The following GDI2 variants were observed in gnomAD, a reference collection of about 807,000 sequenced individuals.
GDI2 encodes the protein GDP dissociation inhibitor 2.
GDI2 carries 22 observed loss-of-function variants against 54.2 expected under a neutral mutation model. The observed-to-expected ratio is 0.41, with a 90% CI of 0.29 to 0.58. The LOEUF (loss-of-function observed/expected upper bound fraction) is 0.58. GDI2 is among the 20% of genes least tolerant of loss of function. The probability of loss-of-function intolerance (pLI) is 0.35; values close to 1 mark genes in which losing one functional copy is unlikely to be tolerated. For synonymous variants in GDI2, 177 were observed against 182.1 expected (o/e 0.97, Z 0.23); for missense variants, 422 against 546.0 (o/e 0.77, Z 2.26).
At chr10:5,772,447 A>G (rs1840511279) in intron 7 of GDI2, among the ~76,000 whole-genome samples, 1 of 152,188 alleles carries the variant, frequency 6.6e-6, no homozygotes, top group Non-Finnish European at 1.5e-5. Flanking sequence ...TATATGTTCA[A>G]AAGACCCAAT....
intron 1 of GDI2, among the ~76,000 whole-genome samples, chr10:5,811,342 CAA>C (rs1331185073): frequency 4.6e-5 from 7 of 152,124 alleles, no homozygotes; most frequent in East Asian, 1.9e-4. Flanking sequence ...TACCATTCAT[CAA>C]AGAGTTCACA....
chr10:5,766,063 T>A lies in GDI2; in HGVS notation c.1281A>T (p.Ser427=). The change falls in exon 11 of 11, where the codon TCA becomes TCT. Residue 427 remains serine (S), a synonymous_variant. Coordinates refer to ENST00000380191, the MANE Select transcript of GDI2 (RefSeq NM_001494.4). This position sits in a 1 kb window ranked among gnomAD's most constrained non-coding sequence, Gnocchi z 5.8. ...IKNIYKRMTG[S]EFDFEEMKRK... is the part of the protein sequence containing the mutation. ...GCTTCATTTCCTCAAAGTCAAACTC[T>A]GATCCTGTCATCCTCTTATAGATGT... is the stretch of plus-strand genomic sequence containing the variant. The A allele has an allele frequency of 1.3e-6, 2 of 1,599,612 alleles. No homozygotes were observed. Among genetic ancestry groups the A allele is most frequent in the Non-Finnish European group, 1.7e-6 (2 of 1,176,340 alleles).
chr10:5,805,849 T>A (rs1399266922), intron 1 of GDI2, among the ~76,000 whole-genome samples: 1 of 152,220 alleles, frequency 6.6e-6, no homozygotes, highest in Non-Finnish European at 1.5e-5. Flanking sequence ...GCATTTCTGG[T>A]AAATTCTCAG....
At chr10:5,788,921 C>G (rs1840941903) in intron 4 of GDI2, among the ~76,000 whole-genome samples, 1 of 152,074 alleles carries the variant, frequency 6.6e-6, no homozygotes, top group African/African-American at 2.4e-5. Flanking sequence ...CACCATCAGA[C>G]CTGGCTAATT....
intron 6 of GDI2, among the ~76,000 whole-genome samples, chr10:5,782,939 A>G (rs1333408640): frequency 6.6e-6 from 1 of 152,242 alleles, no homozygotes; most frequent in Non-Finnish European, 1.5e-5. Context: ...ATCTCCAAAA[A>G]AAAGAATTAC....
At position 5,776,789 on chromosome 10, in the gene GDI2, C is replaced by G; in HGVS notation, c.720-2848G>C. ...GGACATTCCAATCCCCAATCTTCCT[C>G]CCTTGGATTTTCCATCTCCAGAACT... On this transcript the variant is annotated intron_variant, in intron 6 of 10. Coordinates refer to ENST00000380191, the MANE Select transcript of GDI2 (RefSeq NM_001494.4). This position sits in a 1 kb window ranked among gnomAD's most constrained non-coding sequence, Gnocchi z 5.3. 6.5e-7 allele frequency: 1 copy of G among 1,529,022 alleles called. No individual in the cohort carries two copies. The highest frequency in any genetic ancestry group is 9.0e-7 in the Non-Finnish European group (1 of 1,111,294). 94.7% of individuals were successfully genotyped at this position (1,529,022 alleles called of 1,614,324 possible).
rs1181149617 is a variant in GDI2 at position 5,774,661 on chromosome 10, A to T, written c.720-720T>A. ...CCACACTGAGCAGACCTGAGACACT[A>T]ATGGCCCTCCTGGACAGGAGGCTCG... On this transcript the variant is annotated intron_variant, in intron 6 of 10. Coordinates refer to ENST00000380191, the MANE Select transcript of GDI2 (RefSeq NM_001494.4). This position sits in a 1 kb window ranked among gnomAD's most constrained non-coding sequence, Gnocchi z 4.8. Among the ~76,000 whole-genome samples, 1 of 152,052 alleles carries T rather than the reference A, an allele frequency of 6.6e-6. No homozygotes were observed. Among genetic ancestry groups the T allele is most frequent in the Non-Finnish European group, 1.5e-5 (1 of 68,010 alleles).
chr10:5,765,917 A>G lies in GDI2; in HGVS notation c.*89T>C. 1.1e-6 allele frequency: 1 copy of G among 915,216 alleles called. No individual in the cohort carries two copies. Among genetic ancestry groups the G allele is most frequent in the Non-Finnish European group, 1.7e-6 (1 of 601,970 alleles). The allele number at this position is 915,216 out of a possible 1,614,324, so 56.7% of individuals were successfully genotyped here. A position where few individuals can be genotyped will look rare whatever the true frequency, so the allele number is the denominator to read the frequency against. On this transcript the variant is annotated 3_prime_UTR_variant, in exon 11 of 11. Transcript: ENST00000380191. ...TCTTCATTCTCTCCATTTTCATTAC[A>G]AAAGCAGGCCTTACAATATTGATTT...
rs1224313165 is a variant in GDI2, at chr10:5,796,874, G to C, written c.154-12C>G. 8.0e-7 allele frequency: 1 copy of C among 1,242,908 alleles called. No individual in the cohort carries two copies. The highest frequency in any genetic ancestry group is 1.7e-5 in the Admixed American group (1 of 58,086). 77.0% of individuals were successfully genotyped at this position (1,242,908 alleles called of 1,614,324 possible). On this transcript the variant is annotated splice_polypyrimidine_tract_variant and intron_variant, in intron 2 of 10. Transcript: ENST00000380191. Reference sequence around the variant, plus strand: ...AATCTTTTGTATAACTAAAAGCAAGGAAAAACATAGCCATAATGTTAACAA... The same window carrying C: ...AATCTTTTGTATAACTAAAAGCAAGCAAAAACATAGCCATAATGTTAACAA...
intron 3 of GDI2, among the ~76,000 whole-genome samples, 173 bp from the exon 4 acceptor site, chr10:5,795,192 A>G (rs971922948): frequency 5.3e-5 from 8 of 152,204 alleles, no homozygotes; most frequent in Non-Finnish European, 1.2e-4. Context: ...GCAGTGGCAC[A>G]ATCACGAGCT....
At chr10:5,805,146 T>C (rs1212224543) in intron 1 of GDI2, among the ~76,000 whole-genome samples, 1 of 152,026 alleles carries the variant, frequency 6.6e-6, no homozygotes, top group African/African-American at 2.4e-5. Context: ...TCGGGAGCTT[T>C]TCAGAGTGTA....
At chr10:5,787,959 T>C (rs367648942) in intron 4 of GDI2, among the ~76,000 whole-genome samples, 3 of 152,214 alleles carry the variant, frequency 2.0e-5, no homozygotes, top group Admixed American at 6.5e-5. Context: ...CAGAGAGGGA[T>C]AGAAATCAGT....
Position 5,776,858 on chromosome 10 carries a change from AT to A in GDI2, c.720-2918del. 1 of 1,208,020 alleles carries A rather than the reference AT, an allele frequency of 8.3e-7. No homozygotes were observed. The highest frequency in any genetic ancestry group is 1.5e-5 in the African/African-American group (1 of 65,234). The allele number at this position is 1,208,020 out of a possible 1,614,324, so 74.8% of individuals were successfully genotyped here. A position where few individuals can be genotyped will look rare whatever the true frequency, so the allele number is the denominator to read the frequency against. Reference sequence around the variant, plus strand: ...GATATTCTGAAAGGATTTATGAATAATTAAAATGGAAGGCCAGAGAAGAGGG... The same window carrying A: ...GATATTCTGAAAGGATTTATGAATAATAAAATGGAAGGCCAGAGAAGAGGG... On this transcript the variant is annotated intron_variant, in intron 6 of 10. Coordinates refer to ENST00000380191, the MANE Select transcript of GDI2 (RefSeq NM_001494.4). The surrounding 1 kb of genome is among the most constrained non-coding windows in gnomAD (Gnocchi z 5.3).
At chr10:5,788,925 G>A (rs1464902060) in intron 4 of GDI2, among the ~76,000 whole-genome samples, 14 of 152,032 alleles carry the variant, frequency 9.2e-5, no homozygotes, top group Non-Finnish European at 1.5e-5. Flanking sequence ...ATCAGACCTG[G>A]CTAATTTTTT....
chr10:5,780,070 G>T (rs564268475), intron 6 of GDI2, among the ~76,000 whole-genome samples: 4 of 152,034 alleles, frequency 2.6e-5, no homozygotes, highest in Admixed American at 2.0e-4. Flanking sequence ...TTAGCCAGGT[G>T]GGGTGGTGCA....
chr10:5,779,769 C>T (rs1840710736), intron 6 of GDI2, among the ~76,000 whole-genome samples: 2 of 151,106 alleles, frequency 1.3e-5, no homozygotes, highest in South Asian at 4.2e-4. Flanking sequence ...TCACGGCTCA[C>T]TGCAGTCTCA....
chr10:5,800,600 C>T lies in GDI2; in HGVS notation c.151G>A (p.Asp51Asn). Residue 51 changes from aspartate (D) to asparagine (N), a missense_variant and splice_region_variant, in exon 2 of 11, where the codon GAT becomes AAT. Asp to Asn is a conservative substitution (Grantham distance 23). Transcript: ENST00000380191. ...TATGAAATTTGACTAACACTTACATCTTCCAATGGTGTTATAGATGCACTC... is the reference window on the plus strand; with the variant it reads ...TATGAAATTTGACTAACACTTACATTTTCCAATGGTGTTATAGATGCACTC... ...GESASITPLE[D>N]LYKRFKIPGS... The T allele has an allele frequency of 2.1e-6, 3 of 1,434,808 alleles. No individual in the cohort carries two copies. Among genetic ancestry groups the T allele is most frequent in the Non-Finnish European group, 3.0e-6 (3 of 1,016,184 alleles). The allele number at this position is 1,434,808 out of a possible 1,614,324, so 88.9% of individuals were successfully genotyped here. A position where few individuals can be genotyped will look rare whatever the true frequency, so the allele number is the denominator to read the frequency against.
intron 4 of GDI2, among the ~76,000 whole-genome samples, chr10:5,792,877 G>C (rs1037110958): frequency 3.5e-5 from 5 of 144,126 alleles, no homozygotes; most frequent in African/African-American, 1.0e-4. Flanking sequence ...ATTTCTATTA[G>C]ATGAAGGAGG....
chr10:5,766,434 T>TCAAAC lies in GDI2; in HGVS notation c.1136+59_1136+60insGTTTG. ...CCTTGCCCTCACATTCGTCCCACCA[T>TCAAAC]GGAGCCACAATCAAAGGCCTCAGTT... On this transcript the variant is annotated intron_variant, in intron 9 of 10. Coordinates refer to ENST00000380191, the MANE Select transcript of GDI2 (RefSeq NM_001494.4). This position sits in a 1 kb window ranked among gnomAD's most constrained non-coding sequence, Gnocchi z 5.8. 3 of 1,589,084 alleles carry TCAAAC rather than the reference T, an allele frequency of 1.9e-6. No individual in the cohort carries two copies. Among genetic ancestry groups the TCAAAC allele is most frequent in the Non-Finnish European group, 2.6e-6 (3 of 1,158,194 alleles).
Sources: allele counts gnomAD v4.1 joint callset (sites outside exome capture counted in the v4.1 genomes callset), GRCh38; gene constraint gnomAD v4.1.1; non-coding constraint Gnocchi (gnomAD v3.1); transcripts MANE v1.5; gene names NCBI Gene and HGNC (gene_info 2026-07-23, HGNC 2026-07-21).